ALCAM: variants seen among roughly 807,000 people sequenced by gnomAD.
ALCAM encodes the protein CD166 antigen.
In ALCAM, 30 loss-of-function variants were observed where a neutral mutation model predicts 70.9. That is an observed-to-expected ratio of 0.42 (90% CI 0.32 to 0.57). The LOEUF (loss-of-function observed/expected upper bound fraction) is 0.57. Ranked by LOEUF, ALCAM falls within the 20% of genes least tolerant of loss-of-function variation. ALCAM has a pLI of 0.11. For synonymous variants in ALCAM, 249 were observed against 242.5 expected, an observed-to-expected ratio of 1.03 and a Z score of -0.25; for missense variants, 591 against 695.1, an observed-to-expected ratio of 0.85 and a Z score of 1.68.
At position 105,384,715 on chromosome 3, in the gene ALCAM, A is replaced by C. The variant is rs150087568; in HGVS notation, c.73+17234A>C. 8.6e-4 allele frequency among the ~76,000 whole-genome samples: 130 copies of C among 151,720 alleles called. 2 individuals carry two copies. The East Asian group carries it at 0.023, about 27-fold the overall frequency. ...AAATACCTGCTGTACTCCATGTAAA[A>C]TAGTACTTTACGAAAGAATGGCTAA... On this transcript the variant is annotated intron_variant, in intron 1 of 15. Coordinates refer to ENST00000306107, the MANE Select transcript of ALCAM (RefSeq NM_001627.4).
chr3:105,539,028 A>G (rs1327443517), intron 6 of ALCAM, among the ~76,000 whole-genome samples: 1 of 152,148 alleles, frequency 6.6e-6, no homozygotes, highest in Non-Finnish European at 1.5e-5. Flanking sequence ...AGCTAATAAA[A>G]AAAATAGGTT....
intron 1 of ALCAM, among the ~76,000 whole-genome samples, chr3:105,507,049 A>T (rs565992174): frequency 1.2e-4 from 19 of 152,182 alleles, no homozygotes; most frequent in Non-Finnish European, 2.5e-4. Flanking sequence ...AATGTAGAAT[A>T]TATTGCATAG....
intron 3 of ALCAM, among the ~76,000 whole-genome samples, chr3:105,530,521 T>G (rs1160241815): frequency 6.6e-6 from 1 of 152,012 alleles, no homozygotes; most frequent in East Asian, 1.9e-4. Context: ...TAATGTTAAT[T>G]TTCTCTGTTG....
chr3:105,406,533 A>T (rs1045726505), intron 1 of ALCAM, among the ~76,000 whole-genome samples: 1 of 152,184 alleles, frequency 6.6e-6, no homozygotes, highest in Non-Finnish European at 1.5e-5. Context: ...CCTCCGGGAA[A>T]CAGCAAAAGT....
intron 1 of ALCAM, among the ~76,000 whole-genome samples, chr3:105,515,286 G>C (rs1440801939): frequency 1.1e-4 from 16 of 151,938 alleles, no homozygotes; most frequent in Admixed American, 9.2e-4. Flanking sequence ...AAAAGATTGG[G>C]AATCCACTTC....
rs1185450552 is a variant in ALCAM, at chr3:105,524,269, A to G, written c.175-20A>G. 5 of 1,579,124 alleles carry G rather than the reference A, an allele frequency of 3.2e-6. No individual in the cohort carries two copies. The highest frequency in any genetic ancestry group is 4.3e-6 in the Non-Finnish European group (5 of 1,155,860). Reference sequence around the variant, plus strand: ...TCTGAATATGCTTGTGTTTAAATGTATTATTATTTTAATTTTTAGGAAAAG... The same window carrying G: ...TCTGAATATGCTTGTGTTTAAATGTGTTATTATTTTAATTTTTAGGAAAAG... On this transcript the variant is annotated intron_variant, in intron 2 of 15. Transcript: ENST00000306107.
rs1412720326 is a variant in ALCAM, at chr3:105,449,802, G to A, written c.74-70265G>A. ...TACATTTGTCAGAAAATGTTAATGA[G>A]TTGAAACTAATGAGAAATAGAGGGG... is the stretch of plus-strand genomic sequence containing the variant. On this transcript the variant is annotated intron_variant, in intron 1 of 15. Coordinates refer to ENST00000306107, the MANE Select transcript of ALCAM (RefSeq NM_001627.4). Among the ~76,000 whole-genome samples, 48 of 152,064 alleles carry A rather than the reference G, an allele frequency of 3.2e-4. 1 individual carries two copies. The highest frequency in any genetic ancestry group is 3.1e-3 in the Admixed American group (48 of 15,274).
At chr3:105,566,445 C>G (rs562195119) in intron 14 of ALCAM, among the ~76,000 whole-genome samples, 1 of 152,152 alleles carries the variant, frequency 6.6e-6, no homozygotes, top group Non-Finnish European at 1.5e-5. Flanking sequence ...CAAAATATCT[C>G]TCATTATCTC....
intron 7 of ALCAM, 95 bp downstream of exon 7, chr3:105,540,197 C>A: frequency 7.7e-7 from 1 of 1,303,896 alleles, no homozygotes; most frequent in Non-Finnish European, 1.0e-6. Context: ...AATGTTATTG[C>A]TGGAGACAAG....
intron 1 of ALCAM, among the ~76,000 whole-genome samples, chr3:105,514,901 AC>A (rs1183800518): frequency 6.6e-6 from 1 of 151,904 alleles, no homozygotes; most frequent in Non-Finnish European, 1.5e-5. Flanking sequence ...GCCTCTAACT[AC>A]CCCCATTTGT....
At chr3:105,469,313 C>A (rs1343922877) in intron 1 of ALCAM, among the ~76,000 whole-genome samples, 1 of 151,182 alleles carries the variant, frequency 6.6e-6, no homozygotes, top group Non-Finnish European at 1.5e-5. Context: ...GTTCAGAGTT[C>A]TGCTAGATAT....
intron 9 of ALCAM, among the ~76,000 whole-genome samples, chr3:105,546,925 A>G (rs1356860047): frequency 6.6e-6 from 1 of 151,516 alleles, no homozygotes; most frequent in African/African-American, 2.4e-5. Context: ...TTTCCAAATT[A>G]TAAATTCAGT....
chr3:105,447,443 A>T (rs1450408399), intron 1 of ALCAM, among the ~76,000 whole-genome samples: 1 of 152,194 alleles, frequency 6.6e-6, no homozygotes, highest in Non-Finnish European at 1.5e-5. Context: ...TCTCACCTGT[A>T]ATCTCAGCAC....
At position 105,550,225 on chromosome 3, in the gene ALCAM, G is replaced by T. The variant is rs779254205; in HGVS notation, c.1473G>T (p.Leu491=). Residue 491 remains leucine, a synonymous_variant, in exon 12 of 16, where the codon CTG becomes CTT. Coordinates refer to ENST00000306107, the MANE Select transcript of ALCAM (RefSeq NM_001627.4). The part of the protein sequence containing the change: ...VTLTCTAENQ[L]ERTVNSLNVS... ...TAACTTGCACAGCAGAAAACCAACT[G>T]GAGAGAACAGTAAACTCCTTGAATG... 4.4e-6 allele frequency: 7 copies of T among 1,607,872 alleles called. No individual in the cohort carries two copies. The highest frequency in any genetic ancestry group is 6.0e-6 in the Non-Finnish European group (7 of 1,176,292).
At chr3:105,436,320 G>T (rs1470501783) in intron 1 of ALCAM, among the ~76,000 whole-genome samples, 2 of 152,044 alleles carry the variant, frequency 1.3e-5, no homozygotes, top group African/African-American at 4.8e-5. Flanking sequence ...AACAACTTCA[G>T]TGTAAACAGT....
intron 1 of ALCAM, among the ~76,000 whole-genome samples, chr3:105,445,989 C>G (rs572047358): frequency 6.6e-6 from 1 of 152,162 alleles, no homozygotes; most frequent in Admixed American, 6.5e-5. Flanking sequence ...GGAATTACAT[C>G]TAATGTAAAT....
intron 1 of ALCAM, among the ~76,000 whole-genome samples, chr3:105,508,769 A>C (rs12632847): frequency 6.6e-6 from 1 of 151,870 alleles, no homozygotes; most frequent in South Asian, 2.1e-4. Flanking sequence ...GAAAATTTCT[A>C]CTATACAGTA....
intron 1 of ALCAM, chr3:105,439,238 G>A (rs550302313): frequency 2.0e-5 from 3 of 152,260 alleles, no homozygotes; most frequent in African/African-American, 7.2e-5. Context: ...GTGTAACCAG[G>A]TCTCAGAAGA....
intron 1 of ALCAM, among the ~76,000 whole-genome samples, chr3:105,413,205 G>A (rs1423599384): frequency 6.6e-6 from 1 of 152,074 alleles, no homozygotes; most frequent in Non-Finnish European, 1.5e-5. Flanking sequence ...GTGCCCTTGT[G>A]AGGATTAAAT....
Sources: gnomAD v4.1 joint callset for allele counts (sites outside exome capture counted in the v4.1 genomes callset) on GRCh38, gnomAD v4.1.1 for gene constraint, MANE v1.5 for transcripts, NCBI Gene and HGNC (gene_info 2026-07-23, HGNC 2026-07-21) for gene names.